Variants in DTX4 observed in about 807,000 individuals in gnomAD.
DTX4 encodes the protein deltex E3 ubiquitin ligase 4.
Under a neutral mutation model 57.6 loss-of-function variants are expected in DTX4, and 28 were observed. That is an observed-to-expected ratio of 0.49 (90% CI 0.36 to 0.67). DTX4 has a LOEUF of 0.67. DTX4 is among the 30% of genes least tolerant of loss of function. The pLI is 0.00. For missense variants in DTX4, 715 were observed against 836.8 expected (o/e 0.85, Z 1.80); for synonymous variants, 316 against 331.0 (o/e 0.95, Z 0.49).
chr11:59,201,968 T>C (rs958427853), intron 8 of DTX4, among the ~76,000 whole-genome samples: 3 of 152,220 alleles, frequency 2.0e-5, no homozygotes, highest in Admixed American at 6.5e-5. Context: ...CATTCCTCCC[T>C]GCACTCACTG....
At chr11:59,188,539 TTGACTC>T (rs1238422831) in intron 2 of DTX4, among the ~76,000 whole-genome samples, 190 bp from the exon 3 acceptor site, 1 of 152,194 alleles carries the variant, frequency 6.6e-6, no homozygotes, top group Non-Finnish European at 1.5e-5. Flanking sequence ...GACTTTAACT[TTGACTC>T]TGAGTGAACT....
At chr11:59,184,135 G>A (rs1862498844) in intron 2 of DTX4, among the ~76,000 whole-genome samples, 3 of 152,208 alleles carry the variant, frequency 2.0e-5, no homozygotes, top group Non-Finnish European at 1.5e-5. Context: ...AGCAGAGAAT[G>A]GATGGCTAAA....
intron 1 of DTX4, among the ~76,000 whole-genome samples, chr11:59,174,059 C>T (rs1169471258): frequency 6.6e-6 from 1 of 152,192 alleles, no homozygotes; most frequent in African/African-American, 2.4e-5. Context: ...AAAGCCCCCA[C>T]ATCCTGTGTG....
In DTX4 at chr11:59,179,531, C is replaced by A. The variant is rs536110405; in HGVS notation, c.212-2208C>A. 4.6e-5 allele frequency among the ~76,000 whole-genome samples: 7 copies of A among 152,290 alleles called. 1 individual carries two copies. The South Asian group carries it at 1.5e-3, about 32-fold the overall frequency. On this transcript the variant is annotated intron_variant, in intron 1 of 8. Coordinates refer to ENST00000227451, the MANE Select transcript of DTX4 (RefSeq NM_015177.2). The stretch of plus-strand genomic sequence containing the variant: ...ATTCTGAGCTTATAAAAGCCCCAGA[C>A]TCAGCCACATTGCAGGGACTTTCCC...
At chr11:59,203,251 A>T (rs188259609) in intron 8 of DTX4, among the ~76,000 whole-genome samples, 3 of 152,360 alleles carry the variant, frequency 2.0e-5, no homozygotes, top group East Asian at 3.9e-4. Flanking sequence ...TGACTTCTCC[A>T]TTTAAAAACC....
intron 6 of DTX4, 154 bp from the exon 7 acceptor site, chr11:59,195,054 G>A (rs1026032681): frequency 4.8e-5 from 36 of 752,110 alleles, no homozygotes; most frequent in Non-Finnish European, 7.0e-5. Flanking sequence ...AATAGCCTAG[G>A]TGACTGGGCT....
chr11:59,192,120 G>T lies in DTX4; in HGVS notation c.1244G>T (p.Arg415Leu), dbSNP rs375535068. 6.2e-7 allele frequency: 1 copy of T among 1,613,588 alleles called. No homozygotes were observed. The highest frequency in any genetic ancestry group is 1.1e-5 in the South Asian group (1 of 91,070). Residue 415 changes from arginine to leucine, a missense_variant, in exon 6 of 9, where the codon CGC (arginine) becomes CTC (leucine). Arg to Leu is a moderately radical substitution (Grantham distance 102). Transcript: ENST00000227451. ...CAGGACTGCACCATCTGTATGGAAC[G>T]CCTCACGGCCCCCTCAGGCTACAAG... is the stretch of plus-strand genomic sequence containing the variant. ...PDEDCTICME[R>L]LTAPSGYKGP...
At chr11:59,198,601 G>A (rs1304207347) in intron 7 of DTX4, among the ~76,000 whole-genome samples, 1 of 152,116 alleles carries the variant, frequency 6.6e-6, no homozygotes, top group Non-Finnish European at 1.5e-5. Context: ...TCCATAATAA[G>A]AGAAAAAGAA....
At chr11:59,184,222 G>A (rs1181366459) in intron 2 of DTX4, among the ~76,000 whole-genome samples, 1 of 152,178 alleles carries the variant, frequency 6.6e-6, no homozygotes, top group African/African-American at 2.4e-5. Flanking sequence ...CAGGGTGATT[G>A]CTAGCATGGA....
chr11:59,176,798 T>C (rs77153989), intron 1 of DTX4, among the ~76,000 whole-genome samples: 4,139 of 152,326 alleles, frequency 0.027, 98 homozygotes, highest in Non-Finnish European at 0.041. Flanking sequence ...TCATCCTTAG[T>C]TTATGAACAT....
chr11:59,173,305 TC>T (rs1862351909), intron 1 of DTX4, among the ~76,000 whole-genome samples: 1 of 152,068 alleles, frequency 6.6e-6, no homozygotes, highest in Admixed American at 6.6e-5. Context: ...GTGGGATGCC[TC>T]CCCGCAGCTG....
rs963792315 is a variant in DTX4, at chr11:59,177,667, T to C, written c.212-4072T>C. Among the ~76,000 whole-genome samples, 9 of 152,200 alleles carry C rather than the reference T, an allele frequency of 5.9e-5. No homozygotes were observed. In the East Asian group the frequency reaches 1.7e-3, roughly 29 times the overall value. On this transcript the variant is annotated intron_variant, in intron 1 of 8. Coordinates refer to ENST00000227451, the MANE Select transcript of DTX4 (RefSeq NM_015177.2). Reference sequence around the variant, plus strand: ...TGCCAAACAGAGGCTACCTCTATCCTCATGCATTCCTTTAGAGTTCTCTGA... The same window carrying C: ...TGCCAAACAGAGGCTACCTCTATCCCCATGCATTCCTTTAGAGTTCTCTGA...
intron 1 of DTX4, among the ~76,000 whole-genome samples, chr11:59,179,914 A>G (rs1401267353): frequency 6.6e-6 from 1 of 151,206 alleles, no homozygotes; most frequent in Non-Finnish European, 1.5e-5. Flanking sequence ...ACACACATAC[A>G]CACACAGACA....
Position 59,182,316 on chromosome 11 carries a change from C to T in DTX4, c.789C>T (p.Ser263=). ...CGCAGGTGATCCGGAGACAAGCCTCCAGCATGCCCACTGGGACAACCATGG... is the reference window on the plus strand; with the variant it reads ...CGCAGGTGATCCGGAGACAAGCCTCTAGCATGCCCACTGGGACAACCATGG... ...APSQVIRRQA[S]SMPTGTTMGS... is the part of the protein sequence containing the mutation. The change falls in exon 2 of 9, where the codon TCC becomes TCT. Residue 263 remains serine, a synonymous_variant. Coordinates refer to ENST00000227451, the MANE Select transcript of DTX4 (RefSeq NM_015177.2). The T allele has an allele frequency of 1.9e-6, 3 of 1,612,726 alleles. No homozygotes were observed. The highest frequency in any genetic ancestry group is 2.5e-6 in the Non-Finnish European group (3 of 1,179,820).
intron 1 of DTX4, among the ~76,000 whole-genome samples, chr11:59,174,146 C>A (rs930567128): frequency 1.3e-5 from 2 of 152,224 alleles, no homozygotes; most frequent in African/African-American, 4.8e-5. Context: ...CCCAGCAACC[C>A]CTTTGCCAAG....
In DTX4 at chr11:59,172,506, C is replaced by A; in HGVS notation, c.-90C>A. On this transcript the variant is annotated 5_prime_UTR_variant, in exon 1 of 9. Coordinates refer to ENST00000227451, the MANE Select transcript of DTX4 (RefSeq NM_015177.2). ...GCGGGGCAGGGGGCGCGGTCGAGGCCCGGAGGCGGCGGCGCAGGAGGAAGC... is the reference window on the plus strand; with the variant it reads ...GCGGGGCAGGGGGCGCGGTCGAGGCACGGAGGCGGCGGCGCAGGAGGAAGC... 1 of 872,884 alleles carries A rather than the reference C, an allele frequency of 1.1e-6. No individual in the cohort carries two copies. Among genetic ancestry groups the A allele is most frequent in the Non-Finnish European group, 1.5e-6 (1 of 675,568 alleles). The allele number at this position is 872,884 out of a possible 1,614,324, so 54.1% of individuals were successfully genotyped here.
At chr11:59,173,918 G>A (rs1208351944) in intron 1 of DTX4, among the ~76,000 whole-genome samples, 4 of 152,204 alleles carry the variant, frequency 2.6e-5, no homozygotes, top group African/African-American at 9.6e-5. Context: ...TGGAATTCTG[G>A]CTCGGCTTTC....
At chr11:59,180,493 T>TC (rs1417681118) in intron 1 of DTX4, among the ~76,000 whole-genome samples, 13 of 152,166 alleles carry the variant, frequency 8.5e-5, no homozygotes, top group Non-Finnish European at 1.9e-4. Context: ...TGGGATTCTG[T>TC]CCCCAGTCTT....
Position 59,202,134 on chromosome 11 carries a change from T to C in DTX4, c.1626+2361T>C, listed in dbSNP as rs566661128. On this transcript the variant is annotated intron_variant, in intron 8 of 8. Transcript: ENST00000227451. ...AATGAAGAAACAACAAAGTGCACTC[T>C]TCTCAGCTTGACATATAAGACCTAC... 1.1e-3 allele frequency among the ~76,000 whole-genome samples: 160 copies of C among 152,366 alleles called. 5 individuals carry two copies. The Middle Eastern group carries it at 0.014, about 13-fold the overall frequency.
Sources: gnomAD v4.1 joint callset for allele counts (sites outside exome capture counted in the v4.1 genomes callset) on GRCh38, gnomAD v4.1.1 for gene constraint, MANE v1.5 for transcripts, NCBI Gene and HGNC (gene_info 2026-07-23, HGNC 2026-07-21) for gene names.